NEDD4: variants seen among roughly 807,000 people sequenced by gnomAD.
The protein encoded by NEDD4 is E3 ubiquitin-protein ligase NEDD4.
A neutral mutation model predicts 144.9 loss-of-function variants in NEDD4; 99 were observed. The ratio of observed to expected loss-of-function variants is 0.68; its 90% CI spans 0.58 to 0.81. NEDD4 has a LOEUF of 0.81. Ranked by LOEUF, NEDD4 falls within the 30% of genes least tolerant of loss-of-function variation. The pLI, the probability that NEDD4 is intolerant of heterozygous loss-of-function variation, is 0.00. For missense variants in NEDD4, 985 were observed against 1,065.9 expected (o/e 0.92, Z 1.06); for synonymous variants, 318 against 350.6 (o/e 0.91, Z 1.04).
chr15:55,912,853 T>A (rs2036318690), intron 5 of NEDD4, among the ~76,000 whole-genome samples: 1 of 152,108 alleles, frequency 6.6e-6, no homozygotes, highest in Non-Finnish European at 1.5e-5. Context: ...AATAAACATA[T>A]GCCAGTCACT....
intron 5 of NEDD4, among the ~76,000 whole-genome samples, chr15:55,882,442 A>C (rs2035227194): frequency 6.6e-6 from 1 of 152,176 alleles, no homozygotes; most frequent in African/African-American, 2.4e-5. Context: ...CACCAGGCAG[A>C]ACTCAGCCAT....
intron 2 of NEDD4, among the ~76,000 whole-genome samples, chr15:55,956,191 C>T (rs1455896805): frequency 6.6e-6 from 1 of 151,948 alleles, no homozygotes; most frequent in African/African-American, 2.4e-5. Flanking sequence ...ATGAGATTAC[C>T]CATTCATTTG....
chr15:55,924,586 T>C (rs112321416), intron 5 of NEDD4, 60 bp downstream of exon 5: 44,532 of 1,463,180 alleles, frequency 0.03, 791 homozygotes, highest in Non-Finnish European at 0.034. Flanking sequence ...CCACTTCCCC[T>C]GGCTGCTCCA....
chr15:55,899,324 A>T (rs1461730174), intron 5 of NEDD4, among the ~76,000 whole-genome samples: 1 of 152,242 alleles, frequency 6.6e-6, no homozygotes, highest in African/African-American at 2.4e-5. Context: ...TTTCAGAAGT[A>T]GAAACTGATT....
chr15:55,897,897 TG>T (rs1157519657), intron 5 of NEDD4, among the ~76,000 whole-genome samples: 1 of 152,202 alleles, frequency 6.6e-6, no homozygotes, highest in Non-Finnish European at 1.5e-5. Context: ...TGCCCTCTAG[TG>T]GCCATGAGCC....
At chr15:55,932,993 C>A (rs2036812513) in intron 4 of NEDD4, among the ~76,000 whole-genome samples, 2 of 152,190 alleles carry the variant, frequency 1.3e-5, no homozygotes, top group Admixed American at 1.3e-4. Flanking sequence ...CCATCTCACA[C>A]CAGTTAGAAT....
At chr15:55,884,921 G>A (rs1216824595) in intron 5 of NEDD4, among the ~76,000 whole-genome samples, 4 of 152,120 alleles carry the variant, frequency 2.6e-5, no homozygotes, top group Non-Finnish European at 5.9e-5. Flanking sequence ...TCCAAACCTA[G>A]AGAAAGAGAT....
chr15:55,878,872 G>T (rs1228659332), intron 5 of NEDD4, among the ~76,000 whole-genome samples: 1 of 152,204 alleles, frequency 6.6e-6, no homozygotes, highest in Non-Finnish European at 1.5e-5. Flanking sequence ...GCCCAGGCTG[G>T]GGTGCAATGG....
chr15:55,850,420 T>C (rs1399457282), intron 14 of NEDD4, 122 bp downstream of exon 14: 9 of 877,794 alleles, frequency 1.0e-5, no homozygotes, highest in African/African-American at 3.4e-5. Context: ...GAATTCAATA[T>C]ACCTTTCAAT....
At chr15:55,971,290 A>G (rs539123538) in intron 1 of NEDD4, among the ~76,000 whole-genome samples, 3 of 152,258 alleles carry the variant, frequency 2.0e-5, no homozygotes, top group East Asian at 1.9e-4. Context: ...GTAACAAAGC[A>G]TGCCTACAGG....
intron 8 of NEDD4, among the ~76,000 whole-genome samples, chr15:55,864,862 G>A (rs1468930738): frequency 2.0e-5 from 3 of 151,842 alleles, no homozygotes; most frequent in African/African-American, 4.8e-5. Context: ...TGCATGCATC[G>A]ACAGGCAGCT....
intron 2 of NEDD4, among the ~76,000 whole-genome samples, chr15:55,952,226 C>T (rs58287003): frequency 0.015 from 2,244 of 151,704 alleles, 68 homozygotes; most frequent in African/African-American, 0.052. Context: ...CACAACTACT[C>T]GGGAGGCTGA....
chr15:55,939,204 C>T (rs528404130), intron 4 of NEDD4, among the ~76,000 whole-genome samples: 44 of 152,306 alleles, frequency 2.9e-4, no homozygotes, highest in African/African-American at 9.9e-4. Flanking sequence ...GTAATCCCCA[C>T]GTGTCAAGGG....
At chr15:55,952,029 A>C (rs1162598934) in intron 2 of NEDD4, among the ~76,000 whole-genome samples, 1 of 151,884 alleles carries the variant, frequency 6.6e-6, no homozygotes, top group Non-Finnish European at 1.5e-5. Context: ...TAAAAAAAAA[A>C]AAACAAAAAC....
At chr15:55,922,002 A>G (rs570043506) in intron 5 of NEDD4, among the ~76,000 whole-genome samples, 18 of 152,362 alleles carry the variant, frequency 1.2e-4, no homozygotes, top group African/African-American at 4.3e-4. Flanking sequence ...ACACTCAATG[A>G]TCAGGCAAAA....
rs778217794 is a variant in NEDD4, at chr15:55,840,501, T to C, written c.1977A>G (p.Pro659=). The C allele has an allele frequency of 2.7e-5, 43 of 1,613,966 alleles. 3 individuals are homozygous for C. In the South Asian group the frequency reaches 4.5e-4, roughly 17 times the overall value. ...GKLLDGFFIR[P]FYKMMLHKPI... ...GTTTGTGAAGCATCATCTTGTAAAA[T>C]GGGCGGATGAAAAAACCTTGCAAAA... Residue 659 remains proline (P), a synonymous_variant, in exon 21 of 29, where the codon CCA becomes CCG. Transcript: ENST00000435532.
At chr15:55,913,696 T>C (rs2036345424) in intron 5 of NEDD4, among the ~76,000 whole-genome samples, 1 of 152,028 alleles carries the variant, frequency 6.6e-6, no homozygotes, top group African/African-American at 2.4e-5. Flanking sequence ...TAACAGTGGA[T>C]ATTTTTAACA....
At chr15:55,954,931 G>A (rs2037310865) in intron 2 of NEDD4, among the ~76,000 whole-genome samples, 1 of 149,786 alleles carries the variant, frequency 6.7e-6, no homozygotes, top group Non-Finnish European at 1.5e-5. Context: ...TTGTTTAATT[G>A]TTTCTCTTGT....
chr15:55,971,702 T>A (rs1369893374), intron 1 of NEDD4, among the ~76,000 whole-genome samples: 3 of 148,338 alleles, frequency 2.0e-5, no homozygotes, highest in Admixed American at 2.0e-4. Flanking sequence ...TTCAGAGAAA[T>A]AATAACAAAG....
Sources: gnomAD v4.1 joint callset for allele counts (sites outside exome capture counted in the v4.1 genomes callset) on GRCh38, gnomAD v4.1.1 for gene constraint, MANE v1.5 for transcripts, NCBI Gene and HGNC (gene_info 2026-07-23, HGNC 2026-07-21) for gene names.